Variants in ITGA1 observed in about 807,000 individuals in gnomAD.
ITGA1 encodes the protein integrin alpha-1.
A neutral mutation model predicts 145.9 loss-of-function variants in ITGA1; 85 were observed. The observed-to-expected ratio is 0.58, with a 90% CI of 0.49 to 0.70. The LOEUF is 0.70. Ranked by LOEUF, ITGA1 falls within the 30% of genes least tolerant of loss-of-function variation. The pLI, the probability that ITGA1 is intolerant of heterozygous loss-of-function variation, is 0.00. For synonymous variants in ITGA1, 520 were observed against 495.3 expected (o/e 1.05, Z -0.66); for missense variants, 1,351 against 1,418.7 (o/e 0.95, Z 0.77).
chr5:52,865,169 CTTAAAGTAT>C (rs1386519238), intron 5 of ITGA1, 87 bp downstream of exon 5: 1 of 956,662 alleles, frequency 1.0e-6, no homozygotes, highest in African/African-American at 1.7e-5. Context: ...TACCAAAAAG[CTTAAAGTAT>C]TTTCTTAGCT....
rs192382654 is a variant in ITGA1, at chr5:52,912,965, T to C, written c.1858-2499T>C. Among the ~76,000 whole-genome samples the C allele has an allele frequency of 3.6e-3, 544 of 151,992 alleles. 7 individuals carry two copies. Among genetic ancestry groups the C allele is most frequent in the Non-Finnish European group, 1.9e-3 (128 of 67,950 alleles). ...GTTTCACCGTGTTAGCCAGGATGGTTTTGATCTCCTGACTTCGTGATCCGC... is the reference window on the plus strand; with the variant it reads ...GTTTCACCGTGTTAGCCAGGATGGTCTTGATCTCCTGACTTCGTGATCCGC... On this transcript the variant is annotated intron_variant, in intron 14 of 28. Coordinates refer to ENST00000282588, the MANE Select transcript of ITGA1 (RefSeq NM_181501.2).
intron 17 of ITGA1, among the ~76,000 whole-genome samples, chr5:52,921,710 G>A (rs1561250192): frequency 6.6e-6 from 1 of 152,244 alleles, no homozygotes; most frequent in East Asian, 1.9e-4. Flanking sequence ...TTCGAAAATT[G>A]TTTTGGATTT....
chr5:52,803,914 A>T (rs183652649), intron 1 of ITGA1: 1 of 152,332 alleles, frequency 6.6e-6, no homozygotes, highest in East Asian at 1.9e-4. Flanking sequence ...CCAGTCAGGA[A>T]AAAGATTTGA....
chr5:52,844,898 G>A (rs773558946), intron 1 of ITGA1, among the ~76,000 whole-genome samples: 3 of 152,092 alleles, frequency 2.0e-5, no homozygotes, highest in Non-Finnish European at 2.9e-5. Context: ...TGAACTAAAA[G>A]TTATGAAAAG....
At chr5:52,789,171 T>C (rs1433762294) in intron 1 of ITGA1, among the ~76,000 whole-genome samples, 1 of 152,162 alleles carries the variant, frequency 6.6e-6, no homozygotes, top group African/African-American at 2.4e-5. Context: ...TGTAAGATTT[T>C]CCCAATAATG....
chr5:52,837,836 C>A (rs62357145), intron 1 of ITGA1, among the ~76,000 whole-genome samples: 25,308 of 151,880 alleles, frequency 0.17, 2,521 homozygotes, highest in Middle Eastern at 0.26. Context: ...GCAATTATAA[C>A]TAAGAAAACA....
At chr5:52,919,039 T>TG (rs1723263484) in intron 16 of ITGA1, 141 bp downstream of exon 16, 5 of 684,512 alleles carry the variant, frequency 7.3e-6, no homozygotes, top group Non-Finnish European at 1.1e-5. Context: ...TGCAGAACCT[T>TG]GAAAAAAAAT....
At chr5:52,952,088 G>A (rs1386552020) in intron 28 of ITGA1, among the ~76,000 whole-genome samples, 2 of 151,818 alleles carry the variant, frequency 1.3e-5, no homozygotes, top group Non-Finnish European at 2.9e-5. Flanking sequence ...TACCCAGGAG[G>A]CTGAGGCAGG....
At chr5:52,933,226 A>G (rs1006983415) in intron 22 of ITGA1, 1 of 152,096 alleles carries the variant, frequency 6.6e-6, no homozygotes, top group Non-Finnish European at 1.5e-5. Context: ...TGGCATGATT[A>G]TAGGACATAC....
chr5:52,797,166 G>A (rs1196637837), intron 1 of ITGA1, among the ~76,000 whole-genome samples: 2 of 151,756 alleles, frequency 1.3e-5, no homozygotes, highest in African/African-American at 2.4e-5. Flanking sequence ...TCAACTACAG[G>A]CTTAAATTAC....
chr5:52,788,822 C>T (rs1037068197), intron 1 of ITGA1, among the ~76,000 whole-genome samples: 4 of 152,044 alleles, frequency 2.6e-5, no homozygotes, highest in African/African-American at 9.7e-5. Context: ...AATTCCTACC[C>T]TCGGGTTGTT....
At chr5:52,909,255 A>G (rs1039601807) in intron 13 of ITGA1, among the ~76,000 whole-genome samples, 3 of 152,082 alleles carry the variant, frequency 2.0e-5, no homozygotes, top group Non-Finnish European at 4.4e-5. Context: ...TGGAAATGTG[A>G]ATTATGTTTA....
In ITGA1 at chr5:52,957,094, A is replaced by G. The variant is rs1561261077; in HGVS notation, c.*4643A>G. The G allele has an allele frequency of 6.6e-6, 1 of 152,188 alleles. No homozygotes were observed. Among genetic ancestry groups the G allele is most frequent in the Non-Finnish European group, 1.5e-5 (1 of 68,042 alleles). 9.4% of individuals were successfully genotyped at this position (152,188 alleles called of 1,614,324 possible). On this transcript the variant is annotated 3_prime_UTR_variant, in exon 29 of 29. Transcript: ENST00000282588. ...TCGGACGAACAAATCAGCATCTTTG[A>G]TCCTCAGGTTAAAATTTAATCTTAA...
intron 1 of ITGA1, chr5:52,800,799 T>C: frequency 6.2e-7 from 1 of 1,612,890 alleles, no homozygotes. Context: ...CCTGGAGCGC[T>C]GATGTGGCGG....
intron 15 of ITGA1, among the ~76,000 whole-genome samples, chr5:52,917,629 T>A (rs756560402): frequency 9.2e-5 from 14 of 152,214 alleles, no homozygotes; most frequent in Non-Finnish European, 1.6e-4. Context: ...TGGAAAGCTG[T>A]TCATTGTAAT....
intron 11 of ITGA1, chr5:52,904,802 G>C (rs1023788028): frequency 6.7e-6 from 1 of 148,530 alleles, no homozygotes; most frequent in East Asian, 2.0e-4. Flanking sequence ...GCAGTGAGCC[G>C]AGATCGCGCC....
intron 1 of ITGA1, among the ~76,000 whole-genome samples, chr5:52,810,679 A>G (rs1748671060): frequency 6.6e-6 from 1 of 152,222 alleles, no homozygotes; most frequent in Non-Finnish European, 1.5e-5. Context: ...TAAATACACT[A>G]GTAGGTTTTC....
At chr5:52,912,703 A>C (rs1750582138) in intron 14 of ITGA1, among the ~76,000 whole-genome samples, 2 of 120,186 alleles carry the variant, frequency 1.7e-5, no homozygotes, top group Non-Finnish European at 1.7e-5. Context: ...TAGATACACT[A>C]TATATATAGT....
At chr5:52,824,708 G>A (rs942920621) in intron 1 of ITGA1, 1 of 152,066 alleles carries the variant, frequency 6.6e-6, no homozygotes, top group Non-Finnish European at 1.5e-5. Context: ...TCCTCTATTA[G>A]CCACCAAAGA....
Sources: gnomAD v4.1 joint callset for allele counts (sites outside exome capture counted in the v4.1 genomes callset) on GRCh38, gnomAD v4.1.1 for gene constraint, MANE v1.5 for transcripts, NCBI Gene and HGNC (gene_info 2026-07-23, HGNC 2026-07-21) for gene names.